VMP1: variants seen among roughly 807,000 people sequenced by gnomAD.
The protein encoded by VMP1 is vacuole membrane protein 1, also known as ectopic P-granules autophagy protein 3 homolog.
Under a neutral mutation model 56.0 loss-of-function variants are expected in VMP1, and 11 were observed. That is an observed-to-expected ratio of 0.20 (90% CI 0.12 to 0.32). The LOEUF is 0.32. Among genes scored for constraint, VMP1 ranks in the 10% least tolerant of loss-of-function variants. The probability of loss-of-function intolerance (pLI) is 1.00; values close to 1 mark genes in which losing one functional copy is unlikely to be tolerated. For synonymous variants in VMP1, 149 were observed against 165.0 expected, an observed-to-expected ratio of 0.90 and a Z score of 0.74; for missense variants, 296 against 490.3, an observed-to-expected ratio of 0.60 and a Z score of 3.74.
intron 7 of VMP1, among the ~76,000 whole-genome samples, chr17:59,790,602 C>T (rs573612073): frequency 3.3e-5 from 5 of 152,070 alleles, no homozygotes; most frequent in Non-Finnish European, 7.4e-5. Flanking sequence ...CTAGCCTGGC[C>T]AACATGGTGA....
chr17:59,768,481 TA>T (rs1395776736), intron 6 of VMP1, among the ~76,000 whole-genome samples: 2 of 151,952 alleles, frequency 1.3e-5, no homozygotes, highest in African/African-American at 2.4e-5. Flanking sequence ...TGGGTGCCTG[TA>T]GTCACTGCTA....
intron 7 of VMP1, 102 bp downstream of exon 7, chr17:59,773,987 G>C: frequency 4.2e-6 from 3 of 715,676 alleles, no homozygotes; most frequent in South Asian, 5.1e-5. Context: ...AACTGCTAAA[G>C]TAAAAAAAAA....
intron 10 of VMP1, among the ~76,000 whole-genome samples, chr17:59,834,705 A>G (rs889779935): frequency 6.6e-6 from 1 of 151,798 alleles, no homozygotes; most frequent in African/African-American, 2.4e-5. Flanking sequence ...GCTCACTGCA[A>G]CCACCATCTC....
intron 1 of VMP1, among the ~76,000 whole-genome samples, chr17:59,726,918 G>A (rs568781232): frequency 6.6e-6 from 1 of 152,210 alleles, no homozygotes; most frequent in East Asian, 1.9e-4. Flanking sequence ...TTTGTCCTGT[G>A]AGCTCCGATA....
At chr17:59,834,820 C>T (rs1485230587) in intron 10 of VMP1, among the ~76,000 whole-genome samples, 1 of 152,178 alleles carries the variant, frequency 6.6e-6, no homozygotes, top group African/African-American at 2.4e-5. Context: ...GATGGAGTTT[C>T]ACCATGTTGG....
intron 7 of VMP1, among the ~76,000 whole-genome samples, chr17:59,784,277 A>G (rs765704163): frequency 2.0e-5 from 3 of 152,078 alleles, no homozygotes; most frequent in African/African-American, 4.8e-5. Flanking sequence ...CTCCACCACT[A>G]TGCGGTATTG....
intron 5 of VMP1, among the ~76,000 whole-genome samples, chr17:59,751,067 G>A (rs1057072850): frequency 1.3e-5 from 2 of 151,354 alleles, no homozygotes; most frequent in African/African-American, 4.9e-5. Context: ...CGAGTAGCTG[G>A]GACTACAGGC....
At chr17:59,807,137 T>C (rs1380387397) in intron 7 of VMP1, among the ~76,000 whole-genome samples, 1 of 152,066 alleles carries the variant, frequency 6.6e-6, no homozygotes, top group Non-Finnish European at 1.5e-5. Flanking sequence ...TTTGCTTTTC[T>C]GGCTTTAAAC....
intron 5 of VMP1, among the ~76,000 whole-genome samples, chr17:59,742,235 C>T (rs2035252104): frequency 6.6e-6 from 1 of 152,124 alleles, no homozygotes; most frequent in Admixed American, 6.6e-5. Context: ...GAGCTGGGCA[C>T]AGTGGCTCAT....
At chr17:59,768,148 A>G (rs1158892067) in intron 6 of VMP1, among the ~76,000 whole-genome samples, 1 of 152,122 alleles carries the variant, frequency 6.6e-6, no homozygotes, top group Non-Finnish European at 1.5e-5. Context: ...AAAGTTTTCC[A>G]TGTAGTATAG....
At chr17:59,797,134 C>A (rs1379393047) in intron 7 of VMP1, among the ~76,000 whole-genome samples, 1 of 148,524 alleles carries the variant, frequency 6.7e-6, no homozygotes, top group Non-Finnish European at 1.5e-5. Flanking sequence ...GAGTTCCAGA[C>A]CAGCCTGGCC....
At chr17:59,751,889 G>A (rs1000842636) in intron 5 of VMP1, among the ~76,000 whole-genome samples, 7 of 151,734 alleles carry the variant, frequency 4.6e-5, no homozygotes, top group Non-Finnish European at 7.4e-5. Flanking sequence ...AATATGGCCC[G>A]CTGTAGCCTC....
chr17:59,731,232 T>G (rs184473218), intron 1 of VMP1, among the ~76,000 whole-genome samples, 189 bp from the exon 2 acceptor site: 2 of 152,316 alleles, frequency 1.3e-5, no homozygotes, highest in African/African-American at 4.8e-5. Flanking sequence ...TATTAGAATA[T>G]CTATATAAAT....
intron 7 of VMP1, among the ~76,000 whole-genome samples, chr17:59,781,512 C>T (rs964959263): frequency 2.0e-5 from 3 of 152,172 alleles, no homozygotes; most frequent in East Asian, 3.9e-4. Flanking sequence ...TTTTTTATTA[C>T]GAAGTGATAC....
In VMP1 at chr17:59,817,708, A is replaced by G; in HGVS notation, c.913-4A>G. On this transcript the variant is annotated splice_polypyrimidine_tract_variant and splice_region_variant and intron_variant, in intron 9 of 11. Coordinates refer to ENST00000262291, the MANE Select transcript of VMP1 (RefSeq NM_030938.5). ...ATTTATTTTAACTGGTGTTTTCTTT[A>G]CAGAAAATTTTTGTTATAATAACAT... 6.3e-7 allele frequency: 1 copy of G among 1,597,156 alleles called. No individual in the cohort carries two copies. The highest frequency in any genetic ancestry group is 2.2e-5 in the East Asian group (1 of 44,528).
chr17:59,744,528 G>T (rs947751553), intron 5 of VMP1, among the ~76,000 whole-genome samples: 5 of 150,114 alleles, frequency 3.3e-5, no homozygotes, highest in Admixed American at 1.3e-4. Context: ...GGTGGCTGAT[G>T]CCTGTAGTCT....
At chr17:59,755,256 C>T (rs1472489492) in intron 5 of VMP1, among the ~76,000 whole-genome samples, 3 of 151,830 alleles carry the variant, frequency 2.0e-5, no homozygotes, top group Admixed American at 1.3e-4. Context: ...TACAAGCATG[C>T]GCCACCACAC....
At chr17:59,803,949 A>ATT (rs34890976) in intron 7 of VMP1, among the ~76,000 whole-genome samples, 25 of 151,322 alleles carry the variant, frequency 1.7e-4, no homozygotes, top group South Asian at 6.2e-4. Flanking sequence ...TATAAAAGGG[A>ATT]TTTTTTTTGT....
intron 9 of VMP1, among the ~76,000 whole-genome samples, chr17:59,813,970 T>TTTG (rs1173455035): frequency 9.2e-6 from 1 of 108,846 alleles, no homozygotes; most frequent in Non-Finnish European, 1.8e-5. Flanking sequence ...TTTTTCAATT[T>TTTG]ATGATGATTG....
Sources: gnomAD v4.1 joint callset for allele counts (sites outside exome capture counted in the v4.1 genomes callset) on GRCh38, gnomAD v4.1.1 for gene constraint, MANE v1.5 for transcripts, NCBI Gene and HGNC (gene_info 2026-07-23, HGNC 2026-07-21) for gene names.